Variants in KIAA1217 observed in about 807,000 individuals in gnomAD.
KIAA1217 encodes the protein KIAA1217.
A neutral mutation model predicts 163.9 loss-of-function variants in KIAA1217; 88 were observed. The observed-to-expected ratio is 0.54, with a 90% CI of 0.45 to 0.64. The LOEUF (loss-of-function observed/expected upper bound fraction) is 0.64. KIAA1217 is among the 30% of genes least tolerant of loss of function. The pLI is 0.00. For synonymous variants in KIAA1217, 903 were observed against 923.1 expected, an observed-to-expected ratio of 0.98 and a Z score of 0.39; for missense variants, 2,372 against 2,475.0, an observed-to-expected ratio of 0.96 and a Z score of 0.88.
intron 3 of KIAA1217, among the ~76,000 whole-genome samples, chr10:24,429,025 G>C (rs936017950): frequency 1.3e-5 from 2 of 152,154 alleles, no homozygotes; most frequent in Non-Finnish European, 2.9e-5. Flanking sequence ...ATGGAGAATG[G>C]CTACTAAAAT....
intron 4 of KIAA1217, among the ~76,000 whole-genome samples, chr10:24,435,107 T>C (rs2059920205): frequency 6.6e-6 from 1 of 152,234 alleles, no homozygotes; most frequent in Non-Finnish European, 1.5e-5. Context: ...CTGATCTGTA[T>C]CTACCAATGA....
intron 6 of KIAA1217, among the ~76,000 whole-genome samples, chr10:24,476,410 TA>T (rs1564755213): frequency 6.6e-6 from 1 of 152,202 alleles, no homozygotes; most frequent in Non-Finnish European, 1.5e-5. Context: ...CTCCCTTTTT[TA>T]AAAAAGATCT....
rs536821950 is a variant in KIAA1217 at position 23,886,540 on chromosome 10, G to A, written c.-320-120685G>A. ...AGGAAGCTACTGGGCTTTGGTCAAC[G>A]TGTTTCATTTTTAACAGGCTCGCTA... On this transcript the variant is annotated intron_variant, in intron 1 of 18. Coordinates refer to the KIAA1217 transcript ENST00000376462. 6.4e-4 allele frequency among the ~76,000 whole-genome samples: 97 copies of A among 152,098 alleles called. 1 individual carries two copies. Among genetic ancestry groups the A allele is most frequent in the Non-Finnish European group, 1.0e-3 (71 of 67,930 alleles).
intron 2 of KIAA1217, among the ~76,000 whole-genome samples, chr10:24,357,997 T>C (rs2049342881): frequency 6.6e-6 from 1 of 151,978 alleles, no homozygotes; most frequent in Non-Finnish European, 1.5e-5. Flanking sequence ...ACCCTAAGAG[T>C]AGTTTACTGT....
intron 2 of KIAA1217, among the ~76,000 whole-genome samples, chr10:24,310,097 C>A (rs1286314783): frequency 6.6e-6 from 1 of 152,148 alleles, no homozygotes; most frequent in Non-Finnish European, 1.5e-5. Context: ...CTTGACTCCC[C>A]TCTAGTTCTT....
chr10:24,217,895 C>T (rs1275015833), intron 1 of KIAA1217, among the ~76,000 whole-genome samples: 2 of 151,998 alleles, frequency 1.3e-5, no homozygotes, highest in African/African-American at 4.8e-5. Flanking sequence ...CTTTGCATAC[C>T]TAATGTTAGT....
chr10:24,227,682 G>A (rs185749316), intron 2 of KIAA1217, among the ~76,000 whole-genome samples: 1,618 of 151,996 alleles, frequency 0.011, 26 homozygotes, highest in African/African-American at 0.036. Flanking sequence ...ACAGGCGCCC[G>A]CCACCATGCC....
At chr10:24,143,581 A>G (rs1320561920) in intron 2 of KIAA1217, among the ~76,000 whole-genome samples, 1 of 152,002 alleles carries the variant, frequency 6.6e-6, no homozygotes, top group East Asian at 1.9e-4. Flanking sequence ...ACTTTTTCTA[A>G]ACCTATGCCC....
intron 1 of KIAA1217, among the ~76,000 whole-genome samples, chr10:23,700,141 C>G (rs1836334157): frequency 6.6e-6 from 1 of 152,202 alleles, no homozygotes; most frequent in Admixed American, 6.5e-5. Flanking sequence ...CTCCCTGCTT[C>G]TCTCACTTAT....
At chr10:24,301,854 G>A (rs2041385413) in intron 2 of KIAA1217, among the ~76,000 whole-genome samples, 1 of 152,120 alleles carries the variant, frequency 6.6e-6, no homozygotes, top group South Asian at 2.1e-4. Flanking sequence ...AGACCAGCCT[G>A]GTCAATGTGG....
chr10:23,954,709 T>A lies in KIAA1217; in HGVS notation c.-320-52516T>A, dbSNP rs149826861. ...ACTAACATGTAGATTATCTGCTCTA[T>A]GCTGGGAACTTGACATGTCACTTTA... On this transcript the variant is annotated intron_variant, in intron 1 of 18. Transcript: ENST00000376462. 2.3e-3 allele frequency among the ~76,000 whole-genome samples: 351 copies of A among 152,260 alleles called. 1 individual carries two copies. Among genetic ancestry groups the A allele is most frequent in the Non-Finnish European group, 3.2e-3 (221 of 68,014 alleles).
intron 17 of KIAA1217, chr10:24,542,364 T>A: frequency 2.7e-6 from 1 of 376,238 alleles, no homozygotes; most frequent in Non-Finnish European, 4.4e-6. Flanking sequence ...AGGTTTTAAA[T>A]TCTGCTAAGC....
chr10:24,189,225 C>T (rs531155048), intron 2 of KIAA1217, among the ~76,000 whole-genome samples: 20 of 152,118 alleles, frequency 1.3e-4, no homozygotes, highest in African/African-American at 4.1e-4. Flanking sequence ...CCATTGAAAG[C>T]GCTTGACCTG....
intron 5 of KIAA1217, among the ~76,000 whole-genome samples, chr10:24,441,933 C>G (rs1410848294): frequency 1.3e-5 from 2 of 152,192 alleles, no homozygotes; most frequent in African/African-American, 2.4e-5. Context: ...TTGAGGGTGA[C>G]TTGCTAGTCA....
At chr10:24,354,738 C>CTCTGCTCCTCTGCTTT (rs1554827407) in intron 2 of KIAA1217, among the ~76,000 whole-genome samples, 19 of 149,396 alleles carry the variant, frequency 1.3e-4, no homozygotes, top group African/African-American at 4.2e-4. Flanking sequence ...CTCTTCTCTC[C>CTCTGCTCCTCTGCTTT]TCTGCTCCTC....
chr10:24,505,751 A>G (rs898296930), intron 9 of KIAA1217, among the ~76,000 whole-genome samples: 5 of 152,172 alleles, frequency 3.3e-5, no homozygotes, highest in African/African-American at 1.2e-4. Context: ...CTGAGAATTT[A>G]CTGTCCCTTC....
chr10:23,927,117 G>A (rs1843053892), intron 1 of KIAA1217, among the ~76,000 whole-genome samples: 1 of 151,610 alleles, frequency 6.6e-6, no homozygotes, highest in African/African-American at 2.4e-5. Context: ...ATGTTGTCCA[G>A]GCTGATCTTG....
At chr10:24,347,905 C>T (rs1007637468) in intron 2 of KIAA1217, among the ~76,000 whole-genome samples, 1 of 152,208 alleles carries the variant, frequency 6.6e-6, no homozygotes, top group East Asian at 1.9e-4. Flanking sequence ...TCCATCACCA[C>T]ACATGGTTAC....
At position 24,457,549 on chromosome 10, in the gene KIAA1217, C is replaced by T. The variant is rs557279098; in HGVS notation, c.847-15679C>T. Among the ~76,000 whole-genome samples, 10 of 152,206 alleles carry T rather than the reference C, an allele frequency of 6.6e-5. No homozygotes were observed. In the South Asian group the frequency reaches 2.1e-3, roughly 32 times the overall value. The stretch of plus-strand genomic sequence containing the variant: ...GTAGCCAGGGTACAGGCATGCACCA[C>T]CATGCCTGGCTAATTTTTTAAATTT... On this transcript the variant is annotated intron_variant, in intron 5 of 20. Transcript: ENST00000376454.
Sources: allele counts gnomAD v4.1 joint callset (sites outside exome capture counted in the v4.1 genomes callset), GRCh38; gene constraint gnomAD v4.1.1; transcripts MANE v1.5; gene names NCBI Gene and HGNC (gene_info 2026-07-23, HGNC 2026-07-21).